Variants in LPP observed in about 807,000 individuals in gnomAD.
The protein encoded by LPP is LIM domain containing preferred translocation partner in lipoma.
Under a neutral mutation model 60.4 loss-of-function variants are expected in LPP, and 38 were observed. That is an observed-to-expected ratio of 0.63 (90% CI 0.49 to 0.83). LPP has a LOEUF of 0.83. Ranked by LOEUF, LPP falls within the 40% of genes least tolerant of loss-of-function variation. LPP has a pLI of 0.00. For missense variants in LPP, 902 were observed against 783.6 expected (o/e 1.15, Z -1.80); for synonymous variants, 328 against 290.8 (o/e 1.13, Z -1.30).
chr3:188,493,602 T>C (rs1809033063), intron 5 of LPP, among the ~76,000 whole-genome samples: 1 of 151,966 alleles, frequency 6.6e-6, no homozygotes, highest in African/African-American at 2.4e-5. Context: ...CTAATTTATT[T>C]ATTTATTATT....
chr3:188,440,949 ATG>A (rs10680234), intron 4 of LPP, among the ~76,000 whole-genome samples: 13 of 146,944 alleles, frequency 8.8e-5, no homozygotes, highest in African/African-American at 2.3e-4. Flanking sequence ...CTCCCTTAAT[ATG>A]TGTGTGTGTG....
chr3:188,597,202 AT>A (rs1560613345), intron 6 of LPP, among the ~76,000 whole-genome samples: 2 of 152,182 alleles, frequency 1.3e-5, no homozygotes, highest in Admixed American at 6.5e-5. Flanking sequence ...GATGTGTGAT[AT>A]TCACATTTCT....
At chr3:188,637,786 T>C (rs532123968) in intron 7 of LPP, among the ~76,000 whole-genome samples, 1 of 152,334 alleles carries the variant, frequency 6.6e-6, no homozygotes, top group South Asian at 2.1e-4. Flanking sequence ...AATTCCTTGA[T>C]ACGTACATGC....
chr3:188,518,809 C>A, intron 5 of LPP, among the ~76,000 whole-genome samples: 1 of 152,094 alleles, frequency 6.6e-6, no homozygotes, highest in East Asian at 1.9e-4. Flanking sequence ...ATTAAATAGA[C>A]CATTCCCCTT....
intron 2 of LPP, among the ~76,000 whole-genome samples, chr3:188,290,011 C>T (rs1026323159): frequency 7.3e-5 from 11 of 151,324 alleles, no homozygotes; most frequent in Admixed American, 2.6e-4. Context: ...TTTTTTGAGA[C>T]GGAGTCTTAC....
At chr3:188,165,741 A>T (rs751622712) in intron 1 of LPP, among the ~76,000 whole-genome samples, 2 of 152,160 alleles carry the variant, frequency 1.3e-5, no homozygotes, top group Non-Finnish European at 2.9e-5. Flanking sequence ...AGCAAAACCG[A>T]ATTAGGGTTG....
chr3:188,680,680 G>A (rs1323586499), intron 7 of LPP, among the ~76,000 whole-genome samples: 4 of 152,110 alleles, frequency 2.6e-5, no homozygotes, highest in Non-Finnish European at 5.9e-5. Flanking sequence ...CTATCTTTAG[G>A]AAGTAAGTAA....
chr3:188,599,394 A>G (rs1048530673), intron 6 of LPP, among the ~76,000 whole-genome samples: 17 of 152,178 alleles, frequency 1.1e-4, no homozygotes, highest in African/African-American at 4.1e-4. Context: ...GAAAATGAAG[A>G]TTTTCAAGGT....
chr3:188,618,539 GCTGT>G (rs1222654379), intron 7 of LPP, among the ~76,000 whole-genome samples: 6 of 152,132 alleles, frequency 3.9e-5, no homozygotes, highest in African/African-American at 1.4e-4. Context: ...TCCATTTGTA[GCTGT>G]CTGTGTTTGT....
At chr3:188,454,506 G>T (rs1560425903) in intron 4 of LPP, among the ~76,000 whole-genome samples, 1 of 152,264 alleles carries the variant, frequency 6.6e-6, no homozygotes, top group East Asian at 1.9e-4. Flanking sequence ...ATTGTAATTT[G>T]TATTATTGGA....
At chr3:188,805,793 A>G (rs6444330) in intron 9 of LPP, among the ~76,000 whole-genome samples, 74,184 of 151,424 alleles carry the variant, frequency 0.49, 18,897 homozygotes, top group East Asian at 0.84. Context: ...TTTCATTTTC[A>G]TTCAAGATAT....
intron 9 of LPP, among the ~76,000 whole-genome samples, chr3:188,807,175 G>T (rs539953300): frequency 2.0e-5 from 3 of 151,706 alleles, no homozygotes; most frequent in Non-Finnish European, 2.9e-5. Flanking sequence ...TTTCTCACTT[G>T]CATAGTTTCT....
chr3:188,250,768 T>TCTG lies in LPP; in HGVS notation c.-67+25241_-67+25242insCTG, dbSNP rs1560158476. The stretch of plus-strand genomic sequence containing the variant: ...TTTCTTTCTTTCTTTCTTTCTTTCT[T>TCTG]TCTTTCTTTCTTTCTTTCTGTCTTT... On this transcript the variant is annotated intron_variant, in intron 2 of 11. Coordinates refer to ENST00000617246, the MANE Select transcript of LPP (RefSeq NM_001375462.1). Among the ~76,000 whole-genome samples the TCTG allele has an allele frequency of 9.0e-4, 104 of 115,018 alleles. 1 individual carries two copies. The highest frequency in any genetic ancestry group is 4.1e-3 in the African/African-American group (97 of 23,920). The allele number at this position is 115,018 out of a possible 152,430, so 75.5% of individuals were successfully genotyped here.
chr3:188,777,336 C>G (rs17672701), intron 9 of LPP, among the ~76,000 whole-genome samples: 35,961 of 150,884 alleles, frequency 0.24, 4,557 homozygotes, highest in Middle Eastern at 0.29. Flanking sequence ...CTGCCTAAAT[C>G]GCCTTCAGTC....
chr3:188,602,490 ATATT>A (rs916607535), intron 6 of LPP, among the ~76,000 whole-genome samples: 14 of 151,796 alleles, frequency 9.2e-5, no homozygotes, highest in Non-Finnish European at 1.5e-5. Context: ...GAAACCAATT[ATATT>A]TATTTATCCA....
rs1006409642 is a variant in LPP, at chr3:188,401,443, A to G, written c.-9-4669A>G. On this transcript the variant is annotated intron_variant, in intron 3 of 11. Coordinates refer to ENST00000617246, the MANE Select transcript of LPP (RefSeq NM_001375462.1). ...TCCAGTTTTCTTTTATTTACTCAGC[A>G]TTCAAAGTCCTGGTTAAGGGCTACC... Among the ~76,000 whole-genome samples the G allele has an allele frequency of 1.4e-4, 22 of 152,170 alleles. 1 individual carries two copies. The highest frequency in any genetic ancestry group is 1.5e-4 in the Non-Finnish European group (10 of 68,024).
intron 8 of LPP, among the ~76,000 whole-genome samples, chr3:188,756,831 A>T: frequency 6.6e-6 from 1 of 152,212 alleles, no homozygotes; most frequent in Non-Finnish European, 1.5e-5. Flanking sequence ...AGTCCAGCAT[A>T]TTAGGCTGAC....
chr3:188,521,786 G>A (rs557255696), intron 5 of LPP, among the ~76,000 whole-genome samples: 4 of 152,004 alleles, frequency 2.6e-5, no homozygotes, highest in Non-Finnish European at 5.9e-5. Flanking sequence ...GAAAACTATG[G>A]CCCAGGGAAA....
intron 8 of LPP, chr3:188,709,455 T>C: frequency 6.6e-6 from 1 of 152,346 alleles, no homozygotes. Flanking sequence ...CTCCGGATTT[T>C]GAGCAATTCT....
Sources: allele counts gnomAD v4.1 joint callset (sites outside exome capture counted in the v4.1 genomes callset), GRCh38; gene constraint gnomAD v4.1.1; transcripts MANE v1.5; gene names NCBI Gene and HGNC (gene_info 2026-07-23, HGNC 2026-07-21).